The following WNT5A variants were observed in gnomAD, a reference collection of about 807,000 sequenced individuals.
WNT5A encodes the protein Wnt family member 5A.
WNT5A carries 9 observed loss-of-function variants against 42.1 expected under a neutral mutation model. The observed-to-expected ratio is 0.21, with a 90% CI of 0.13 to 0.37. The LOEUF (loss-of-function observed/expected upper bound fraction) is 0.37, where lower values mean the gene tolerates loss of function less well. Among genes scored for constraint, WNT5A ranks in the 10% least tolerant of loss-of-function variants. WNT5A has a pLI of 1.00. For synonymous variants in WNT5A, 210 were observed against 210.0 expected (o/e 1.00, Z 0.00); for missense variants, 426 against 534.0 (o/e 0.80, Z 1.99).
intron 3 of WNT5A, 147 bp from the exon 4 acceptor site, chr3:55,474,776 G>A (rs1455796651): frequency 3.3e-6 from 1 of 300,734 alleles, no homozygotes; most frequent in African/African-American, 3.9e-5. Context: ...GTAGGAGGTG[G>A]GGTTGGGGCG....
intron 4 of WNT5A, among the ~76,000 whole-genome samples, chr3:55,473,460 C>A (rs1005349413): frequency 6.6e-6 from 1 of 151,972 alleles, no homozygotes; most frequent in Non-Finnish European, 1.5e-5. Context: ...TGTGTTTAAC[C>A]GCAGGAAAAA....
intron 1 of WNT5A, among the ~76,000 whole-genome samples, chr3:55,485,273 C>G (rs949090913): frequency 6.6e-6 from 1 of 150,544 alleles, no homozygotes; most frequent in Non-Finnish European, 1.5e-5. Context: ...CAGGGGGCAG[C>G]CGGCACCGCA....
chr3:55,485,154 T>G, intron 1 of WNT5A, among the ~76,000 whole-genome samples: 1 of 141,098 alleles, frequency 7.1e-6, no homozygotes, highest in African/African-American at 2.6e-5. Flanking sequence ...TGGGGTCTGG[T>G]GGTCGGGAGG....
chr3:55,487,002 C>T lies in WNT5A; in HGVS notation c.-17G>A, dbSNP rs768936492. On this transcript the variant is annotated 5_prime_UTR_variant, in exon 1 of 5. Transcript: ENST00000264634. ...TACCTTCATGGCGAGGGGGAGGGGG[C>T]GCGGGGAGGAAGTCGCCACCCGAGC... is the stretch of plus-strand genomic sequence containing the variant. The T allele has an allele frequency of 1.1e-5, 18 of 1,608,738 alleles. No individual in the cohort carries two copies. Among genetic ancestry groups the T allele is most frequent in the African/African-American group, 2.7e-5 (2 of 74,690 alleles).
At chr3:55,491,957 T>G (rs524153), upstream of WNT5A, among the ~76,000 whole-genome samples, 84,082 of 152,090 alleles carry the variant, frequency 0.55, 24,114 homozygotes, top group African/African-American at 0.7. Context: ...TAATACCATC[T>G]CTTTGTGCTG....
chr3:55,472,438 C>G (rs1487864475), intron 4 of WNT5A, among the ~76,000 whole-genome samples: 1 of 152,154 alleles, frequency 6.6e-6, no homozygotes, highest in Non-Finnish European at 1.5e-5. Flanking sequence ...CATTTCTGAT[C>G]TGAGGCACTG....
chr3:55,491,979 TG>T (rs2051664855), upstream of WNT5A, among the ~76,000 whole-genome samples: 1 of 152,166 alleles, frequency 6.6e-6, no homozygotes, highest in South Asian at 2.1e-4. Flanking sequence ...CACTGGCCTG[TG>T]GGGGGCAAAG....
rs371351522 is a variant in WNT5A at position 55,474,346 on chromosome 3, G to C, written c.675C>G (p.Ala225=). Residue 225 remains alanine, a synonymous_variant, in exon 4 of 5, where the codon GCC becomes GCG. Coordinates refer to ENST00000264634, the MANE Select transcript of WNT5A (RefSeq NM_003392.7). ...RILMNLHNNE[A]GRRTVYNLAD... is the part of the protein sequence containing the mutation. The stretch of plus-strand genomic sequence containing the variant: ...GAGACGCGGCACTCACCCTGCGGCC[G>C]GCCTCGTTGTTGTGCAGGTTCATGA... The C allele has an allele frequency of 1.2e-6, 2 of 1,612,950 alleles. No homozygotes were observed. The highest frequency in any genetic ancestry group is 1.7e-6 in the Non-Finnish European group (2 of 1,179,808).
chr3:55,488,133 G>GGGCGGGAGAGCGGGCC (rs1559560741), upstream of WNT5A: 1 of 152,654 alleles, frequency 6.6e-6, no homozygotes, highest in African/African-American at 2.4e-5. Context: ...CGGGTCCGAG[G>GGGCGGGAGAGCGGGCC]GGCGGGAGAG....
upstream of WNT5A, among the ~76,000 whole-genome samples, chr3:55,492,598 G>T (rs1414492955): frequency 6.6e-6 from 1 of 152,172 alleles, no homozygotes; most frequent in Non-Finnish European, 1.5e-5. Context: ...CTGGGAAGAG[G>T]AGAGGAATGT....
At position 55,467,988 on chromosome 3, in the gene WNT5A, A is replaced by C. The variant is rs2051175007; in HGVS notation, c.*2104T>G. The C allele has an allele frequency of 1.3e-5, 2 of 152,218 alleles. No homozygotes were observed. The highest frequency in any genetic ancestry group is 2.9e-5 in the Non-Finnish European group (2 of 68,032). The allele number at this position is 152,218 out of a possible 1,614,324, so 9.4% of individuals were successfully genotyped here. A position where few individuals can be genotyped will look rare whatever the true frequency, so the allele number is the denominator to read the frequency against. On this transcript the variant is annotated 3_prime_UTR_variant, in exon 5 of 5. Transcript: ENST00000264634. ...GGGGATGTGAATATCATTATGCAAT[A>C]AATTAAGAGCCACAGTTGGCTGAGG...
chr3:55,504,471 CTTTTTTTTT>C, the WNT5A span, among the ~76,000 whole-genome samples: 2 of 142,012 alleles, frequency 1.4e-5, no homozygotes, highest in Admixed American at 1.4e-4. Flanking sequence ...GGGTAAACCC[CTTTTTTTTT>C]TTTTTTGAGA....
intron 3 of WNT5A, among the ~76,000 whole-genome samples, chr3:55,476,161 A>G (rs2051353476): frequency 6.6e-6 from 1 of 152,214 alleles, no homozygotes; most frequent in Non-Finnish European, 1.5e-5. Flanking sequence ...CTGCAGGAGG[A>G]CAGCGATGCC....
intron 1 of WNT5A, among the ~76,000 whole-genome samples, chr3:55,485,774 A>G (rs1034129517): frequency 6.6e-6 from 1 of 152,152 alleles, no homozygotes; most frequent in Admixed American, 6.5e-5. Context: ...GAGGCGAGAG[A>G]GGAGAAGGGG....
intron 1 of WNT5A, chr3:55,481,518 G>T (rs148393573): frequency 4.1e-6 from 2 of 493,122 alleles, no homozygotes; most frequent in African/African-American, 2.1e-5. Context: ...ACCAGCGCGC[G>T]AGAGTGCCCA....
chr3:55,479,712 TA>T (rs1446604041), intron 2 of WNT5A, 148 bp from the exon 3 acceptor site: 1 of 1,178,110 alleles, frequency 8.5e-7, no homozygotes, highest in South Asian at 1.8e-5. Flanking sequence ...AAGGGCTTCA[TA>T]AAACTCCTCT....
rs540696492 is a variant in WNT5A, at chr3:55,467,218, A to C, written c.*2874T>G. On this transcript the variant is annotated 3_prime_UTR_variant, in exon 5 of 5. Coordinates refer to ENST00000264634, the MANE Select transcript of WNT5A (RefSeq NM_003392.7). Reference sequence around the variant, plus strand: ...AAAAATACATTTTTTTGGACTAAAAATCTGGTCACGGATAAAAGCATGTGC... The same window carrying C: ...AAAAATACATTTTTTTGGACTAAAACTCTGGTCACGGATAAAAGCATGTGC... 1 of 152,524 alleles carries C rather than the reference A, an allele frequency of 6.6e-6. No homozygotes were observed. Among genetic ancestry groups the C allele is most frequent in the South Asian group, 2.1e-4 (1 of 4,828 alleles). The allele number at this position is 152,524 out of a possible 1,614,324, so 9.4% of individuals were successfully genotyped here.
At chr3:55,493,824 C>T (rs1221017788), upstream of WNT5A, 1 of 152,222 alleles carries the variant, frequency 6.6e-6, no homozygotes, top group African/African-American at 2.4e-5. Flanking sequence ...TTTCCCTTGG[C>T]CTTACCCATA....
chr3:55,477,056 C>A (rs573500111), intron 3 of WNT5A, among the ~76,000 whole-genome samples: 2 of 152,314 alleles, frequency 1.3e-5, no homozygotes, highest in African/African-American at 4.8e-5. Context: ...GCCTGAATTT[C>A]TCAGACACTG....
Sources: gnomAD v4.1 joint callset for allele counts (sites outside exome capture counted in the v4.1 genomes callset) on GRCh38, gnomAD v4.1.1 for gene constraint, MANE v1.5 for transcripts, NCBI Gene and HGNC (gene_info 2026-07-23, HGNC 2026-07-21) for gene names.